The following PTPRT variants were observed in gnomAD, a reference collection of about 807,000 sequenced individuals.
The protein encoded by PTPRT is protein tyrosine phosphatase receptor type T.
Under a neutral mutation model 176.8 loss-of-function variants are expected in PTPRT, and 56 were observed. The observed-to-expected ratio is 0.32, with a 90% CI of 0.26 to 0.40. The LOEUF (loss-of-function observed/expected upper bound fraction) is 0.40, where lower values mean the gene tolerates loss of function less well. PTPRT is among the 10% of genes least tolerant of loss of function. The pLI is 1.00. For synonymous variants in PTPRT, 783 were observed against 739.0 expected (o/e 1.06, Z -0.96); for missense variants, 1,540 against 1,908.2 (o/e 0.81, Z 3.60).
intron 1 of PTPRT, among the ~76,000 whole-genome samples, chr20:43,060,066 C>T (rs1235150885): frequency 6.6e-6 from 1 of 151,896 alleles, no homozygotes; most frequent in African/African-American, 2.4e-5. Flanking sequence ...CTTTTTCTAG[C>T]ACGTACCTCA....
chr20:42,128,759 T>A lies in PTPRT; in HGVS notation c.2842A>T (p.Ile948Phe). 1.3e-6 allele frequency: 2 copies of A among 1,599,366 alleles called. No homozygotes were observed. Among genetic ancestry groups the A allele is most frequent in the Non-Finnish European group, 1.7e-6 (2 of 1,171,708 alleles). ...PHSDYINANY[I>F]DGYHRPRHYI... ...AGCCCCATTAAGACACTCACGTCAA[T>A]GTAGTTGGCATTGATGTAGTCAGAG... The change falls in exon 19 of 31, where the codon ATT (isoleucine) becomes TTT (phenylalanine). Residue 948 changes from isoleucine to phenylalanine, a missense_variant. Ile to Phe is a conservative substitution (Grantham distance 21). Transcript: ENST00000373187.
intron 6 of PTPRT, among the ~76,000 whole-genome samples, chr20:42,737,250 A>C (rs923287807): frequency 6.6e-6 from 1 of 152,216 alleles, no homozygotes; most frequent in Non-Finnish European, 1.5e-5. Flanking sequence ...AGAGAGAAGA[A>C]GGCCATGTGA....
chr20:42,040,334 T>G, the PTPRT span, among the ~76,000 whole-genome samples: 1 of 152,116 alleles, frequency 6.6e-6, no homozygotes, highest in Non-Finnish European at 1.5e-5. Flanking sequence ...GAGGTTAGAT[T>G]GCTAGAGTCT....
At chr20:42,661,464 T>G (rs1054394420) in intron 7 of PTPRT, among the ~76,000 whole-genome samples, 8 of 152,130 alleles carry the variant, frequency 5.3e-5, no homozygotes, top group African/African-American at 1.9e-4. Context: ...TTCAAAAATG[T>G]GCTACCTCTT....
At chr20:42,747,883 T>C (rs558241258) in intron 6 of PTPRT, among the ~76,000 whole-genome samples, 2 of 152,314 alleles carry the variant, frequency 1.3e-5, no homozygotes, top group African/African-American at 4.8e-5. Context: ...AAAGCCATTA[T>C]CTAACTTTTT....
At position 43,083,338 on chromosome 20, in the gene PTPRT, AT is replaced by A. The variant is rs1568773969; in HGVS notation, c.88+106307del. ...TTCAAATGTATATATATATATATAT[AT>A]ATATATATATATATATATATATATA... is the stretch of plus-strand genomic sequence containing the variant. On this transcript the variant is annotated intron_variant, in intron 1 of 30. Coordinates refer to ENST00000373187, the MANE Select transcript of PTPRT (RefSeq NM_007050.6). Among the ~76,000 whole-genome samples the A allele has an allele frequency of 4.4e-5, 5 of 112,742 alleles. 1 individual carries two copies. Among genetic ancestry groups the A allele is most frequent in the African/African-American group, 1.6e-4 (5 of 31,202 alleles). 74.0% of individuals were successfully genotyped at this position (112,742 alleles called of 152,430 possible).
At chr20:42,550,519 C>A (rs1232804546) in intron 7 of PTPRT, among the ~76,000 whole-genome samples, 2 of 151,958 alleles carry the variant, frequency 1.3e-5, no homozygotes, top group African/African-American at 4.8e-5. Context: ...AAACACACAA[C>A]CAGTGAATAG....
chr20:42,622,507 T>C (rs1307453994), intron 7 of PTPRT, among the ~76,000 whole-genome samples: 4 of 152,190 alleles, frequency 2.6e-5, no homozygotes, highest in Admixed American at 2.0e-4. Context: ...CCCAAAGTGC[T>C]GGCATTACAG....
intron 7 of PTPRT, among the ~76,000 whole-genome samples, chr20:42,568,123 C>A (rs1483847755): frequency 6.6e-6 from 1 of 152,072 alleles, no homozygotes; most frequent in Non-Finnish European, 1.5e-5. Context: ...CACCCACCAC[C>A]ATGCCCGGCT....
chr20:43,101,257 T>C (rs528874484), intron 1 of PTPRT, among the ~76,000 whole-genome samples: 1 of 152,190 alleles, frequency 6.6e-6, no homozygotes, highest in Admixed American at 6.5e-5. Context: ...GGAGATTCCA[T>C]GAGATGATGT....
intron 19 of PTPRT, among the ~76,000 whole-genome samples, chr20:42,124,154 A>C (rs957038409): frequency 2.0e-5 from 3 of 152,228 alleles, no homozygotes; most frequent in Non-Finnish European, 4.4e-5. Context: ...AGGAGATAAA[A>C]GGAAACGTAC....
intron 3 of PTPRT, among the ~76,000 whole-genome samples, chr20:42,789,481 G>A (rs1329806659): frequency 6.6e-6 from 1 of 152,260 alleles, no homozygotes; most frequent in African/African-American, 2.4e-5. Context: ...CTGAGCCTTC[G>A]TTTCATCACC....
intron 16 of PTPRT, among the ~76,000 whole-genome samples, chr20:42,186,404 A>C (rs969587455): frequency 6.6e-6 from 1 of 150,724 alleles, no homozygotes; most frequent in Non-Finnish European, 1.5e-5. Context: ...CCACACTTCC[A>C]CCCCACATTC....
At chr20:42,578,096 T>C (rs2073296926) in intron 7 of PTPRT, among the ~76,000 whole-genome samples, 4 of 152,044 alleles carry the variant, frequency 2.6e-5, no homozygotes, top group Admixed American at 2.6e-4. Flanking sequence ...AACTGAATGG[T>C]TGATTGTGTC....
chr20:42,690,682 GC>G (rs2075779225), intron 6 of PTPRT, among the ~76,000 whole-genome samples: 1 of 152,186 alleles, frequency 6.6e-6, no homozygotes, highest in Non-Finnish European at 1.5e-5. Flanking sequence ...TCATCCCTTT[GC>G]ATTTTCATAT....
chr20:43,025,779 G>C (rs1000480102), intron 1 of PTPRT, among the ~76,000 whole-genome samples: 2 of 152,150 alleles, frequency 1.3e-5, no homozygotes, highest in African/African-American at 4.8e-5. Context: ...ATTGGTAACT[G>C]TCATGTCCAC....
intron 9 of PTPRT, among the ~76,000 whole-genome samples, chr20:42,356,120 G>C (rs1383056075): frequency 1.3e-5 from 2 of 152,162 alleles, no homozygotes; most frequent in Non-Finnish European, 2.9e-5. Context: ...GATCGGGCTG[G>C]GGAGGGAAAG....
At chr20:42,550,534 C>A (rs1347515148) in intron 7 of PTPRT, among the ~76,000 whole-genome samples, 1 of 151,928 alleles carries the variant, frequency 6.6e-6, no homozygotes, top group Non-Finnish European at 1.5e-5. Flanking sequence ...GAATAGCAGA[C>A]CTAGTTGCAT....
chr20:42,698,195 A>G (rs538640005), intron 6 of PTPRT, among the ~76,000 whole-genome samples: 27 of 152,322 alleles, frequency 1.8e-4, no homozygotes, highest in Admixed American at 5.9e-4. Context: ...TGTGTACTCA[A>G]GATTGACCCT....
Sources: allele counts gnomAD v4.1 joint callset (sites outside exome capture counted in the v4.1 genomes callset), GRCh38; gene constraint gnomAD v4.1.1; transcripts MANE v1.5; gene names NCBI Gene and HGNC (gene_info 2026-07-23, HGNC 2026-07-21).